Variants in SP140L observed in about 807,000 individuals in gnomAD.
SP140L encodes the protein SP140 like nuclear body protein.
Under a neutral mutation model 84.3 loss-of-function variants are expected in SP140L, and 64 were observed. The observed-to-expected ratio is 0.76, with a 90% CI of 0.62 to 0.94. The LOEUF is 0.94. Among genes scored for constraint, SP140L ranks in the 40% least tolerant of loss-of-function variants. The probability of loss-of-function intolerance (pLI) is 0.00; values close to 1 mark genes in which losing one functional copy is unlikely to be tolerated. For missense variants in SP140L, 628 were observed against 692.5 expected (o/e 0.91, Z 1.05); for synonymous variants, 242 against 236.9 (o/e 1.02, Z -0.20).
intron 11 of SP140L, 71 bp from the exon 12 acceptor site, chr2:230,392,016 T>C (rs943629542): frequency 1.1e-5 from 18 of 1,596,226 alleles, no homozygotes; most frequent in Non-Finnish European, 1.5e-5. Flanking sequence ...CTAGATCCAA[T>C]GTGGTGAGTG....
At position 230,392,223 on chromosome 2, in the gene SP140L, G is replaced by A. The variant is rs2061845271; in HGVS notation, c.1101G>A (p.Leu367=). The change falls in exon 12 of 19, where the codon CTG becomes CTA. Residue 367 remains leucine (L), a synonymous_variant. Transcript: ENST00000415673. Reference sequence around the variant, plus strand: ...GTGGCGGGTGGCCCCTACGACGGCTGATGGAGGTATTCCAATGACAAGAGG... The same window carrying A: ...GTGGCGGGTGGCCCCTACGACGGCTAATGGAGGTATTCCAATGACAAGAGG... ...VRCGGWPLRR[L]MEEGSLPNPP... 6.2e-7 allele frequency: 1 copy of A among 1,613,940 alleles called. No individual in the cohort carries two copies. The highest frequency in any genetic ancestry group is 2.2e-5 in the East Asian group (1 of 44,888).
intron 2 of SP140L, among the ~76,000 whole-genome samples, chr2:230,330,515 G>A (rs2059697360): frequency 6.6e-6 from 1 of 152,152 alleles, no homozygotes; most frequent in African/African-American, 2.4e-5. Flanking sequence ...TTGGCATTTT[G>A]TGTGAAATTG....
chr2:230,359,984 A>AAGTTTGGTATTGGTGCTATACCAAACTAG (rs2060664803), intron 4 of SP140L, among the ~76,000 whole-genome samples: 1 of 152,132 alleles, frequency 6.6e-6, no homozygotes, highest in Non-Finnish European at 1.5e-5. Context: ...TACCAAACTA[A>AAGTTTGGTATTGGTGCTATACCAAACTAG]AGTTTTGATT....
At chr2:230,376,059 A>G (rs1020886532) in intron 7 of SP140L, among the ~76,000 whole-genome samples, 4 of 152,222 alleles carry the variant, frequency 2.6e-5, no homozygotes, top group South Asian at 2.1e-4. Context: ...TAAGCCTTTA[A>G]TCTATTTGGA....
chr2:230,330,687 A>C (rs1446293297), intron 2 of SP140L, among the ~76,000 whole-genome samples: 1 of 152,204 alleles, frequency 6.6e-6, no homozygotes, highest in South Asian at 2.1e-4. Flanking sequence ...ATTTCTTCAT[A>C]GATATTTGAT....
At chr2:230,389,447 G>T (rs1030728777) in intron 10 of SP140L, among the ~76,000 whole-genome samples, 6 of 152,114 alleles carry the variant, frequency 3.9e-5, no homozygotes, top group Non-Finnish European at 5.9e-5. Flanking sequence ...AATAAAAGTA[G>T]AAGGCAGGTG....
Position 230,402,966 on chromosome 2 carries a change from A to AATTTCAAGGAAGTGTTTG in SP140L, c.*70_*71insATTTCAAGGAAGTGTTTG. 1 of 1,300,616 alleles carries AATTTCAAGGAAGTGTTTG rather than the reference A, an allele frequency of 7.7e-7. No homozygotes were observed. The highest frequency in any genetic ancestry group is 2.2e-5 in the Admixed American group (1 of 44,914). The allele number at this position is 1,300,616 out of a possible 1,614,324, so 80.6% of individuals were successfully genotyped here. ...TTGCCACTGACTTCAAACTGAGAGC[A>AATTTCAAGGAAGTGTTTG]CTTGGGAAATAGCACATGCAGGGAG... On this transcript the variant is annotated 3_prime_UTR_variant, in exon 19 of 19. Transcript: ENST00000415673.
intron 2 of SP140L, among the ~76,000 whole-genome samples, chr2:230,342,524 G>A (rs1238346975): frequency 2.6e-5 from 4 of 152,062 alleles, no homozygotes; most frequent in African/African-American, 7.2e-5. Flanking sequence ...CGGAGCCTGC[G>A]TTTTTCTTTA....
intron 5 of SP140L, among the ~76,000 whole-genome samples, chr2:230,364,654 T>A (rs914443454): frequency 1.3e-5 from 2 of 152,162 alleles, no homozygotes; most frequent in Non-Finnish European, 2.9e-5. Context: ...CTAATTGTTC[T>A]GTCTAGGACT....
chr2:230,352,518 A>G (rs1575461652), intron 2 of SP140L, among the ~76,000 whole-genome samples: 5 of 152,172 alleles, frequency 3.3e-5, no homozygotes, highest in Admixed American at 3.3e-4. Context: ...TCATGAGAAC[A>G]GTATGGGGGA....
chr2:230,343,837 A>G (rs993461956), intron 2 of SP140L, among the ~76,000 whole-genome samples: 1 of 152,126 alleles, frequency 6.6e-6, no homozygotes, highest in African/African-American at 2.4e-5. Flanking sequence ...ATCCTTTTTT[A>G]TGGCTGCTTT....
rs533881257 is a variant in SP140L at position 230,358,082 on chromosome 2, G to A, written c.270+115G>A. On this transcript the variant is annotated intron_variant, in intron 3 of 18. Coordinates refer to ENST00000415673, the MANE Select transcript of SP140L (RefSeq NM_138402.6). The stretch of plus-strand genomic sequence containing the variant: ...GGAGAAGCAGAGGTCACCAGAGATG[G>A]TCCTACTTCCAGCTGAGGAAATGGT... The A allele has an allele frequency of 1.3e-4, 157 of 1,232,342 alleles. No individual in the cohort carries two copies. In the African/African-American group the frequency reaches 2.2e-3, roughly 17 times the overall value. The allele number at this position is 1,232,342 out of a possible 1,614,324, so 76.3% of individuals were successfully genotyped here. A position where few individuals can be genotyped will look rare whatever the true frequency, so the allele number is the denominator to read the frequency against.
intron 7 of SP140L, among the ~76,000 whole-genome samples, chr2:230,376,929 A>G (rs959525925): frequency 6.6e-6 from 1 of 152,208 alleles, no homozygotes; most frequent in African/African-American, 2.4e-5. Flanking sequence ...TGTTCAAGTA[A>G]TCTTTGATAA....
chr2:230,334,238 T>A (rs978066108), intron 2 of SP140L, among the ~76,000 whole-genome samples: 1 of 152,230 alleles, frequency 6.6e-6, no homozygotes, highest in African/African-American at 2.4e-5. Flanking sequence ...ATACATGGGC[T>A]TACTCCTTGT....
At chr2:230,356,069 C>T (rs1356581392) in intron 2 of SP140L, among the ~76,000 whole-genome samples, 6 of 152,102 alleles carry the variant, frequency 3.9e-5, no homozygotes, top group African/African-American at 1.4e-4. Flanking sequence ...TGAAAACATG[C>T]TTGACATAAT....
intron 7 of SP140L, among the ~76,000 whole-genome samples, chr2:230,379,986 C>T (rs567072271): frequency 5.3e-5 from 8 of 152,236 alleles, no homozygotes; most frequent in Admixed American, 2.6e-4. Context: ...TGTATCATTC[C>T]TGCTTTATCG....
intron 7 of SP140L, among the ~76,000 whole-genome samples, chr2:230,377,195 T>A (rs1187822790): frequency 6.6e-6 from 1 of 152,086 alleles, no homozygotes. Context: ...TCGTTTGTCT[T>A]TTAAGAAATG....
chr2:230,338,922 A>G (rs2059953656), intron 2 of SP140L, among the ~76,000 whole-genome samples: 1 of 141,034 alleles, frequency 7.1e-6, no homozygotes, highest in Non-Finnish European at 1.5e-5. Flanking sequence ...GGATTTTTGC[A>G]TCAATGTTCA....
At chr2:230,361,775 TGA>T in intron 5 of SP140L, 78 bp downstream of exon 5, 2 of 1,082,418 alleles carry the variant, frequency 1.8e-6, no homozygotes, top group Non-Finnish European at 2.7e-6. Context: ...CCCAAGGTCC[TGA>T]GGGGAAATTG....
Sources: allele counts gnomAD v4.1 joint callset (sites outside exome capture counted in the v4.1 genomes callset), GRCh38; gene constraint gnomAD v4.1.1; transcripts MANE v1.5; gene names NCBI Gene and HGNC (gene_info 2026-07-23, HGNC 2026-07-21).